The following GALK2 variants were observed in gnomAD, a reference collection of about 807,000 sequenced individuals.
GALK2 encodes the protein N-acetylgalactosamine kinase.
A neutral mutation model predicts 52.4 loss-of-function variants in GALK2; 36 were observed. The observed-to-expected ratio is 0.69, with a 90% CI of 0.53 to 0.91. GALK2 has a LOEUF of 0.91. Ranked by LOEUF, GALK2 falls within the 40% of genes least tolerant of loss-of-function variation. The pLI is 0.00. For missense variants in GALK2, 579 were observed against 559.1 expected, an observed-to-expected ratio of 1.04 and a Z score of -0.36; for synonymous variants, 176 against 199.1, an observed-to-expected ratio of 0.88 and a Z score of 0.98.
chr15:49,272,039 T>C (rs2030736729), intron 5 of GALK2, among the ~76,000 whole-genome samples: 1 of 152,188 alleles, frequency 6.6e-6, no homozygotes, highest in Admixed American at 6.5e-5. Flanking sequence ...ATGCATAAAT[T>C]GTGCTCCATT....
At chr15:49,189,643 A>T (rs1020315297) in intron 1 of GALK2, among the ~76,000 whole-genome samples, 1 of 152,168 alleles carries the variant, frequency 6.6e-6, no homozygotes, top group Non-Finnish European at 1.5e-5. Flanking sequence ...CATTATGGTT[A>T]CTTGAACACA....
chr15:49,226,378 C>T (rs909123874), intron 3 of GALK2, among the ~76,000 whole-genome samples: 2 of 152,156 alleles, frequency 1.3e-5, no homozygotes, highest in African/African-American at 4.8e-5. Flanking sequence ...AGCTTCTTCT[C>T]TTTTCAGCCT....
chr15:49,184,771 T>G (rs2086228289), intron 1 of GALK2, among the ~76,000 whole-genome samples: 1 of 152,186 alleles, frequency 6.6e-6, no homozygotes, highest in African/African-American at 2.4e-5. Context: ...TCATCTACCT[T>G]CTTTTTTAAG....
At chr15:49,227,203 C>G (rs2090183429) in intron 3 of GALK2, among the ~76,000 whole-genome samples, 1 of 152,094 alleles carries the variant, frequency 6.6e-6, no homozygotes, top group South Asian at 2.1e-4. Context: ...GTGATGATCT[C>G]TGTAATGTTG....
intron 5 of GALK2, among the ~76,000 whole-genome samples, chr15:49,243,702 G>A (rs1043929244): frequency 2.0e-5 from 3 of 152,118 alleles, no homozygotes; most frequent in Non-Finnish European, 2.9e-5. Context: ...AAGACATGAT[G>A]TCCTCAGAGA....
intron 1 of GALK2, among the ~76,000 whole-genome samples, chr15:49,163,987 GA>G: frequency 6.6e-6 from 1 of 152,178 alleles, no homozygotes; most frequent in Admixed American, 6.5e-5. Context: ...TAGAAGAGCA[GA>G]AAAAGAGGAC....
chr15:49,305,708 A>G (rs2035491930), intron 8 of GALK2, among the ~76,000 whole-genome samples: 1 of 152,190 alleles, frequency 6.6e-6, no homozygotes, highest in East Asian at 1.9e-4. Context: ...GGGAAGGGGG[A>G]CAGAGAGGAT....
At chr15:49,205,016 C>G (rs548985831) in intron 2 of GALK2, among the ~76,000 whole-genome samples, 52 of 152,298 alleles carry the variant, frequency 3.4e-4, no homozygotes, top group African/African-American at 1.2e-3. Flanking sequence ...CAGGTCACTG[C>G]AAATACTGTT....
At chr15:49,181,334 C>T (rs1442596732) in intron 1 of GALK2, among the ~76,000 whole-genome samples, 1 of 151,118 alleles carries the variant, frequency 6.6e-6, no homozygotes, top group African/African-American at 2.4e-5. Context: ...GTCTGGAATT[C>T]CTGAGCTTAA....
intron 8 of GALK2, among the ~76,000 whole-genome samples, chr15:49,298,792 C>T (rs1407026385): frequency 2.0e-5 from 3 of 152,116 alleles, no homozygotes; most frequent in Non-Finnish European, 2.9e-5. Flanking sequence ...TTGTGATGTA[C>T]TGCTGGATTC....
intron 9 of GALK2, chr15:49,327,745 G>A (rs562289166): frequency 9.1e-6 from 4 of 439,010 alleles, no homozygotes; most frequent in African/African-American, 8.0e-5. Context: ...CAAAACCAGG[G>A]ACTAGATTTA....
At chr15:49,350,400 A>T (rs1399112473) in intron 3 of GALK2, among the ~76,000 whole-genome samples, 1 of 152,158 alleles carries the variant, frequency 6.6e-6, no homozygotes, top group Admixed American at 6.5e-5. Flanking sequence ...TATTTCTTTA[A>T]ATTTTGCTCT....
In GALK2 at chr15:49,328,801, G is replaced by A; in HGVS notation, c.*642G>A. On this transcript the variant is annotated 3_prime_UTR_variant, in exon 10 of 10. Transcript: ENST00000560031. Reference sequence around the variant, plus strand: ...TTTTTTTTTTTTTTGACAAAAGGAGGATACAGGAAGAAAATTCAGACTCAT... The same window carrying A: ...TTTTTTTTTTTTTTGACAAAAGGAGAATACAGGAAGAAAATTCAGACTCAT... The A allele has an allele frequency of 7.1e-7, 1 of 1,417,948 alleles. No homozygotes were observed. Among genetic ancestry groups the A allele is most frequent in the Non-Finnish European group, 9.2e-7 (1 of 1,087,708 alleles). The allele number at this position is 1,417,948 out of a possible 1,614,324, so 87.8% of individuals were successfully genotyped here.
intron 5 of GALK2, among the ~76,000 whole-genome samples, chr15:49,258,698 A>G (rs1281641403): frequency 6.6e-6 from 1 of 151,818 alleles, no homozygotes; most frequent in Non-Finnish European, 1.5e-5. Context: ...TGAAAAAGCA[A>G]GTAGAAAATG....
downstream of GALK2, chr15:49,335,585 G>C (rs2039566052): frequency 1.2e-6 from 1 of 867,280 alleles, no homozygotes; most frequent in African/African-American, 1.7e-5. Context: ...AGGGGACCGT[G>C]TGACCTTCAC....
chr15:49,252,276 T>C (rs1441697591), intron 5 of GALK2, among the ~76,000 whole-genome samples: 1 of 151,756 alleles, frequency 6.6e-6, no homozygotes, highest in Non-Finnish European at 1.5e-5. Context: ...AAAAAAAAAA[T>C]TATACACACA....
intron 3 of GALK2, among the ~76,000 whole-genome samples, chr15:49,355,001 G>T (rs1474144296): frequency 6.6e-6 from 1 of 151,644 alleles, no homozygotes; most frequent in African/African-American, 2.4e-5. Context: ...ACACGGCAGG[G>T]TACTCCAACA....
At chr15:49,288,053 C>G (rs1191690801) in intron 7 of GALK2, among the ~76,000 whole-genome samples, 1 of 152,112 alleles carries the variant, frequency 6.6e-6, no homozygotes, top group East Asian at 1.9e-4. Context: ...TTTTTCAAAG[C>G]AAACTCGAGA....
At chr15:49,200,564 G>A (rs763230335) in intron 1 of GALK2, among the ~76,000 whole-genome samples, 3 of 152,200 alleles carry the variant, frequency 2.0e-5, no homozygotes, top group Admixed American at 6.5e-5. Flanking sequence ...AGAGATTAGA[G>A]TAATAAAGCT....
Sources: allele counts gnomAD v4.1 joint callset (sites outside exome capture counted in the v4.1 genomes callset), GRCh38; gene constraint gnomAD v4.1.1; transcripts MANE v1.5; gene names NCBI Gene and HGNC (gene_info 2026-07-23, HGNC 2026-07-21).